IL2RB: variants seen among roughly 807,000 people sequenced by gnomAD.
IL2RB encodes interleukin 2 receptor subunit beta.
Under a neutral mutation model 44.2 loss-of-function variants are expected in IL2RB, and 17 were observed. That is an observed-to-expected ratio of 0.38 (90% CI 0.26 to 0.58). The LOEUF (loss-of-function observed/expected upper bound fraction) is 0.58, where lower values mean the gene tolerates loss of function less well. Ranked by LOEUF, IL2RB falls within the 20% of genes least tolerant of loss-of-function variation. The pLI is 0.63. For missense variants in IL2RB, 624 were observed against 685.5 expected (o/e 0.91, Z 1.00); for synonymous variants, 286 against 297.9 (o/e 0.96, Z 0.41).
intron 1 of IL2RB, among the ~76,000 whole-genome samples, chr22:37,165,984 G>A (rs1222513173): frequency 6.6e-6 from 1 of 152,216 alleles, no homozygotes; most frequent in Non-Finnish European, 1.5e-5. Flanking sequence ...GTGTGCACGT[G>A]TGTGTGTCTT....
In IL2RB at chr22:37,132,418, G is replaced by T. The variant is rs764062848; in HGVS notation, c.869C>A (p.Ser290Tyr). ...CNTPDPSKFFSQLSSEHGGDV... is the reference protein window; with the variant it reads ...CNTPDPSKFFYQLSSEHGGDV... Reference sequence around the variant, plus strand: ...TCCTCCATGCTCTGAGCTCAGCTGGGAAAAGAACTTCGAGGGGTCTGGGGT... The same window carrying T: ...TCCTCCATGCTCTGAGCTCAGCTGGTAAAAGAACTTCGAGGGGTCTGGGGT... The change falls in exon 9 of 10, where the codon TCC becomes TAC. Residue 290 changes from serine to tyrosine, a missense_variant. Ser to Tyr is a moderately radical substitution (Grantham distance 144). This residue lies in a region of IL2RB where 255 missense variants were observed against 339.9 expected (regional missense o/e 0.75). Coordinates refer to ENST00000216223, the MANE Select transcript of IL2RB (RefSeq NM_000878.5). The T allele has an allele frequency of 5.0e-6, 8 of 1,614,132 alleles. No homozygotes were observed. The highest frequency in any genetic ancestry group is 6.8e-6 in the Non-Finnish European group (8 of 1,180,002).
At position 37,127,346 on chromosome 22, in the gene IL2RB, G is replaced by A. The variant is rs1921166945; in HGVS notation, c.*750C>T. On this transcript the variant is annotated 3_prime_UTR_variant, in exon 10 of 10. Coordinates refer to ENST00000216223, the MANE Select transcript of IL2RB (RefSeq NM_000878.5). ...GCTTCTCCCTCCAGCACTGACGCTA[G>A]AAGTTTCTGGCAGATTAAGGGAGGC... The A allele has an allele frequency of 6.6e-6, 1 of 152,360 alleles. No individual in the cohort carries two copies. The highest frequency in any genetic ancestry group is 1.9e-4 in the East Asian group (1 of 5,184). The allele number at this position is 152,360 out of a possible 1,614,324, so 9.4% of individuals were successfully genotyped here.
intron 4 of IL2RB, among the ~76,000 whole-genome samples, chr22:37,139,551 T>C (rs1002053156): frequency 2.0e-5 from 3 of 152,238 alleles, no homozygotes; most frequent in Middle Eastern, 3.4e-3. Flanking sequence ...GTCAAGGTAG[T>C]TTACCAACAC....
chr22:37,162,102 G>A (rs1922900529), intron 1 of IL2RB: 1 of 152,184 alleles, frequency 6.6e-6, no homozygotes, highest in South Asian at 2.1e-4. Context: ...CCAAGTACAG[G>A]GGCATGCATA....
rs1396218302 is a variant in IL2RB, at chr22:37,128,715, G to A, written c.1037C>T (p.Pro346Leu). The A allele has an allele frequency of 6.2e-7, 1 of 1,614,174 alleles. No individual in the cohort carries two copies. Among genetic ancestry groups the A allele is most frequent in the Non-Finnish European group, 8.5e-7 (1 of 1,179,990 alleles). The change falls in exon 10 of 10, where the codon CCC becomes CTC. Residue 346 changes from proline to leucine, a missense_variant. Transcript: ENST00000216223. The surrounding 1 kb of genome is among the most constrained non-coding windows in gnomAD (Gnocchi z 4.5). ...CGAGTGGTTGCTGCTTAAGGATGCG[G>A]GCTCAGGCACCTTGTCCTGCTGCAG... ...LLLQQDKVPEPASLSSNHSLT... is the reference protein window; with the variant it reads ...LLLQQDKVPELASLSSNHSLT...
At chr22:37,169,810 A>T (rs1601615926) in intron 1 of IL2RB, among the ~76,000 whole-genome samples, 1 of 152,324 alleles carries the variant, frequency 6.6e-6, no homozygotes, top group East Asian at 1.9e-4. Flanking sequence ...GGTACCTGCC[A>T]GAGGCCTTCC....
rs2146223678 is a variant in IL2RB at position 37,128,450 on chromosome 22, G to A, written c.1302C>T (p.Leu434=). ...TGCTTGGGGGGCTGGGGCCACCGAG[G>A]AGACTGGGGGAGAAGAGCAGCAGGT... ...RDDLLLFSPS[L]LGGPSPPSTA... The change falls in exon 10 of 10, where the codon CTC becomes CTT. Residue 434 remains leucine (L), a synonymous_variant. Transcript: ENST00000216223. This position sits in a 1 kb window ranked among gnomAD's most constrained non-coding sequence, Gnocchi z 4.5. 6.4e-7 allele frequency: 1 copy of A among 1,557,706 alleles called. No individual in the cohort carries two copies. Among genetic ancestry groups the A allele is most frequent in the Non-Finnish European group, 8.7e-7 (1 of 1,149,796 alleles).
At chr22:37,137,838 C>A (rs1293847651) in intron 5 of IL2RB, 103 bp from the exon 6 acceptor site, 1 of 1,024,002 alleles carries the variant, frequency 9.8e-7, no homozygotes, top group Non-Finnish European at 1.5e-6. Flanking sequence ...ACCTCCCCTA[C>A]CCCCCGACCC....
chr22:37,164,973 G>A (rs1923018787), intron 1 of IL2RB, among the ~76,000 whole-genome samples: 1 of 152,082 alleles, frequency 6.6e-6, no homozygotes, highest in African/African-American at 2.4e-5. Context: ...CCCCAGCCCA[G>A]CCCTCCCGAG....
intron 6 of IL2RB, 69 bp from the exon 7 acceptor site, chr22:37,136,462 C>G (rs1921705383): frequency 6.8e-7 from 1 of 1,461,178 alleles, no homozygotes; most frequent in South Asian, 1.3e-5. Flanking sequence ...CTGAGCATCA[C>G]AGAACCCCCC....
At chr22:37,156,311 T>C (rs1003974913) in intron 1 of IL2RB, among the ~76,000 whole-genome samples, 36 of 152,210 alleles carry the variant, frequency 2.4e-4, no homozygotes, top group African/African-American at 8.4e-4. Flanking sequence ...TGTACAACAG[T>C]GTCCCAGTTA....
intron 1 of IL2RB, among the ~76,000 whole-genome samples, chr22:37,169,936 T>G (rs576427595): frequency 5.3e-5 from 8 of 152,222 alleles, no homozygotes; most frequent in African/African-American, 1.7e-4. Flanking sequence ...TTAGTCATTG[T>G]GATGTGGATA....
intron 8 of IL2RB, among the ~76,000 whole-genome samples, chr22:37,133,194 C>T (rs1171231773): frequency 2.0e-5 from 3 of 152,122 alleles, no homozygotes; most frequent in African/African-American, 7.2e-5. Context: ...GGCGCAAGAA[C>T]GACAAGGAGG....
upstream of IL2RB, chr22:37,150,086 G>GCGCACA (rs925186700): frequency 2.9e-5 from 4 of 138,294 alleles, no homozygotes; most frequent in Non-Finnish European, 4.6e-5. Flanking sequence ...GCTGGGGGCG[G>GCGCACA]CACACACACA....
At chr22:37,136,189 C>T (rs370826425) in intron 7 of IL2RB, 39 bp downstream of exon 7, 26 of 1,580,348 alleles carry the variant, frequency 1.6e-5, no homozygotes, top group Non-Finnish European at 2.1e-5. Flanking sequence ...CCGCCCCCTC[C>T]TGCCTGAGCC....
chr22:37,163,618 C>T (rs538542714), intron 1 of IL2RB, among the ~76,000 whole-genome samples: 2 of 152,224 alleles, frequency 1.3e-5, no homozygotes, highest in Non-Finnish European at 2.9e-5. Context: ...AGGAGGGACT[C>T]TTCTCAGCCC....
At chr22:37,136,475 C>A (rs1160641220) in intron 6 of IL2RB, 82 bp from the exon 7 acceptor site, 5 of 1,415,782 alleles carry the variant, frequency 3.5e-6, no homozygotes, top group Non-Finnish European at 4.7e-6. Context: ...AACCCCCCCC[C>A]AACCCCTGCC....
intron 8 of IL2RB, 134 bp from the exon 9 acceptor site, chr22:37,132,602 TAA>T: frequency 1.5e-6 from 1 of 658,042 alleles, no homozygotes; most frequent in African/African-American, 1.8e-5. Context: ...CCGCCGATAC[TAA>T]GTGTTCACTG....
chr22:37,130,345 C>G (rs1328638578), intron 9 of IL2RB, among the ~76,000 whole-genome samples: 2 of 152,232 alleles, frequency 1.3e-5, no homozygotes, highest in Admixed American at 6.5e-5. Flanking sequence ...CAGCTACTTC[C>G]TGGGCCTGAG....
Sources: allele counts gnomAD v4.1 joint callset (sites outside exome capture counted in the v4.1 genomes callset), GRCh38; gene constraint gnomAD v4.1.1; regional missense constraint gnomAD v4.1.1; non-coding constraint Gnocchi (gnomAD v3.1); transcripts MANE v1.5; gene names NCBI Gene and HGNC (gene_info 2026-07-23, HGNC 2026-07-21).